RGS12: variants seen among roughly 807,000 people sequenced by gnomAD.
The protein encoded by RGS12 is regulator of G-protein signaling 12.
In RGS12, 66 loss-of-function variants were observed where a neutral mutation model predicts 120.1. That is an observed-to-expected ratio of 0.55 (90% CI 0.45 to 0.67). RGS12 has a LOEUF of 0.67. Ranked by LOEUF, RGS12 falls within the 30% of genes least tolerant of loss-of-function variation. The pLI, the probability that RGS12 is intolerant of heterozygous loss-of-function variation, is 0.00. For missense variants in RGS12, 1,859 were observed against 1,957.7 expected (o/e 0.95, Z 0.95); for synonymous variants, 827 against 804.7 (o/e 1.03, Z -0.47).
At chr4:3,296,179 CT>C (rs957788702) in intron 1 of RGS12, among the ~76,000 whole-genome samples, 6 of 152,288 alleles carry the variant, frequency 3.9e-5, no homozygotes, top group African/African-American at 1.4e-4. Flanking sequence ...TGTCTTTCTC[CT>C]CCTCTTTATT....
chr4:3,377,075 GA>G (rs1717782140), intron 3 of RGS12, among the ~76,000 whole-genome samples: 1 of 150,486 alleles, frequency 6.6e-6, no homozygotes, highest in Admixed American at 6.6e-5. Context: ...GCAGTGGTGT[GA>G]TCACGGCTCA....
chr4:3,295,616 C>A lies in RGS12; in HGVS notation c.-102+2517C>A, dbSNP rs550210481. ...CGGAGGTTGCGGTGAGCCAAGATTG[C>A]GCCATTGCACTCCAGCCTGGGTGAC... is the stretch of plus-strand genomic sequence containing the variant. On this transcript the variant is annotated intron_variant, in intron 1 of 17. Transcript: ENST00000336727. 1.6e-4 allele frequency among the ~76,000 whole-genome samples: 23 copies of A among 146,634 alleles called. No individual in the cohort carries two copies. In the Admixed American group the frequency reaches 1.6e-3, roughly 10 times the overall value.
intron 3 of RGS12, chr4:3,378,350 G>A (rs954690525): frequency 5.9e-5 from 9 of 152,068 alleles, no homozygotes; most frequent in African/African-American, 1.4e-4. Flanking sequence ...CATCAGTTTC[G>A]GCGATGATTT....
At chr4:3,347,929 C>G (rs1340766145) in intron 3 of RGS12, among the ~76,000 whole-genome samples, 1 of 152,114 alleles carries the variant, frequency 6.6e-6, no homozygotes. Flanking sequence ...TAAAAACACA[C>G]CCATAAATGT....
intron 2 of RGS12, among the ~76,000 whole-genome samples, chr4:3,323,213 C>T (rs147528521): frequency 7.9e-4 from 121 of 152,300 alleles, no homozygotes; most frequent in Non-Finnish European, 1.4e-3. Context: ...GGTGCCGTGG[C>T]GCCTCGCTCG....
Position 3,365,038 on chromosome 4 carries a change from G to A in RGS12, c.1999-21378G>A, listed in dbSNP as rs1273043258. On this transcript the variant is annotated intron_variant, in intron 3 of 17. Coordinates refer to ENST00000336727, the MANE Select transcript of RGS12 (RefSeq NM_001394154.1). This position sits in a 1 kb window ranked among gnomAD's most constrained non-coding sequence, Gnocchi z 4.0. ...GAAGCTGCACCTTTCCAGGGGAGCA[G>A]AAGGGGCATCCTGGGTGACAGGAGG... 6.6e-6 allele frequency among the ~76,000 whole-genome samples: 1 copy of A among 152,144 alleles called. No individual in the cohort carries two copies. The highest frequency in any genetic ancestry group is 1.5e-5 in the Non-Finnish European group (1 of 68,018).
intron 2 of RGS12, among the ~76,000 whole-genome samples, chr4:3,338,018 C>T (rs182217980): frequency 9.5e-4 from 144 of 152,262 alleles, no homozygotes; most frequent in Non-Finnish European, 1.8e-3. Flanking sequence ...ATGGTTCTTA[C>T]GCCAAAATGA....
intron 3 of RGS12, among the ~76,000 whole-genome samples, chr4:3,381,218 T>C (rs1490861329): frequency 6.6e-6 from 1 of 152,204 alleles, no homozygotes; most frequent in Admixed American, 6.5e-5. Context: ...TGGACTTCGT[T>C]GTCCATATCA....
intron 2 of RGS12, among the ~76,000 whole-genome samples, chr4:3,333,051 C>CT (rs557032927): frequency 4.6e-3 from 575 of 125,002 alleles, no homozygotes; most frequent in Middle Eastern, 0.027. Context: ...GTCTCAAACT[C>CT]TTTTTTTTTT....
Position 3,438,959 on chromosome 4 carries a change from G to C in RGS12, c.4115-496G>C, listed in dbSNP as rs556598147. Among the ~76,000 whole-genome samples the C allele has an allele frequency of 2.6e-5, 4 of 152,264 alleles. No homozygotes were observed. The East Asian group carries it at 7.7e-4, about 29-fold the overall frequency. On this transcript the variant is annotated intron_variant, in intron 17 of 17. Coordinates refer to ENST00000336727, the MANE Select transcript of RGS12 (RefSeq NM_001394154.1). The stretch of plus-strand genomic sequence containing the variant: ...GGGCGAGCAGGTGGCCAGCCTGGCA[G>C]GGTGGGATGGGGCAGCAGACACAGG...
chr4:3,344,656 C>A (rs1180908677), intron 3 of RGS12, among the ~76,000 whole-genome samples: 1 of 152,234 alleles, frequency 6.6e-6, no homozygotes, highest in Non-Finnish European at 1.5e-5. Context: ...TGCCCCATGC[C>A]AGGGTCAGTG....
intron 3 of RGS12, among the ~76,000 whole-genome samples, chr4:3,358,030 T>A (rs1715057752): frequency 6.6e-6 from 1 of 152,222 alleles, no homozygotes; most frequent in Non-Finnish European, 1.5e-5. Flanking sequence ...CTTTCAGCAA[T>A]GTTTTCTAGT....
intron 2 of RGS12, among the ~76,000 whole-genome samples, chr4:3,338,798 G>A (rs2108760545): frequency 6.6e-6 from 1 of 152,364 alleles, no homozygotes; most frequent in South Asian, 2.1e-4. Flanking sequence ...TTTGAACCAA[G>A]TGGTCTTTTA....
intron 3 of RGS12, chr4:3,370,073 T>C: frequency 7.9e-7 from 1 of 1,272,994 alleles, no homozygotes; most frequent in Non-Finnish European, 9.9e-7. Context: ...CTTCTTTCTT[T>C]GGATGAGACA....
At chr4:3,312,460 G>A (rs544696800) in intron 1 of RGS12, 5 of 214,892 alleles carry the variant, frequency 2.3e-5, no homozygotes, top group East Asian at 1.1e-4. Context: ...TGAGGGTTGC[G>A]TTCCTGCGTT....
In RGS12 at chr4:3,394,754, C is replaced by G. The variant is rs563675687; in HGVS notation, c.2020+8317C>G. ...CACAGAATGAACACATGTGTGTTATCAGCACTCAGACCAAGAGACAGAACA... is the reference window on the plus strand; with the variant it reads ...CACAGAATGAACACATGTGTGTTATGAGCACTCAGACCAAGAGACAGAACA... On this transcript the variant is annotated intron_variant, in intron 4 of 17. Coordinates refer to ENST00000336727, the MANE Select transcript of RGS12 (RefSeq NM_001394154.1). 2.6e-5 allele frequency among the ~76,000 whole-genome samples: 4 copies of G among 152,298 alleles called. No individual in the cohort carries two copies. The South Asian group carries it at 8.3e-4, about 32-fold the overall frequency.
chr4:3,416,036 C>T lies in RGS12; in HGVS notation c.2342C>T (p.Pro781Leu), dbSNP rs763344869. The change falls in exon 7 of 18, where the codon CCG becomes CTG. Residue 781 changes from proline (P) to leucine (L), a missense_variant. Transcript: ENST00000336727. ...TTTCTCTGCAGCAAAGCCACCACCC[C>T]GGTCAACATCGACAGCCAGGCCCAG... ...SKFLCSKATT[P>L]VNIDSQAQLA... 4 of 1,613,964 alleles carry T rather than the reference C, an allele frequency of 2.5e-6. No individual in the cohort carries two copies. Among genetic ancestry groups the T allele is most frequent in the Non-Finnish European group, 2.5e-6 (3 of 1,179,974 alleles).
intron 3 of RGS12, among the ~76,000 whole-genome samples, chr4:3,358,931 T>C (rs1489489752): frequency 1.5e-5 from 1 of 68,424 alleles, no homozygotes; most frequent in African/African-American, 6.2e-5. Flanking sequence ...CCCCCCCTCC[T>C]CCTCCCCTTC....
chr4:3,379,004 G>A (rs989063383), intron 3 of RGS12, among the ~76,000 whole-genome samples: 2 of 109,106 alleles, frequency 1.8e-5, no homozygotes, highest in African/African-American at 3.3e-5. Context: ...GGAAATGTGC[G>A]ATGTGTGTGT....
Sources: allele counts gnomAD v4.1 joint callset (sites outside exome capture counted in the v4.1 genomes callset), GRCh38; gene constraint gnomAD v4.1.1; non-coding constraint Gnocchi (gnomAD v3.1); transcripts MANE v1.5; gene names NCBI Gene and HGNC (gene_info 2026-07-23, HGNC 2026-07-21).